Variants in SRR observed in about 807,000 individuals in gnomAD.
SRR encodes the protein D-serine ammonia-lyase.
Under a neutral mutation model 32.7 loss-of-function variants are expected in SRR, and 19 were observed. That is an observed-to-expected ratio of 0.58 (90% CI 0.40 to 0.85). The LOEUF is 0.85. Ranked by LOEUF, SRR falls within the 40% of genes least tolerant of loss-of-function variation. The pLI, the probability that SRR is intolerant of heterozygous loss-of-function variation, is 0.00. For missense variants in SRR, 373 were observed against 404.7 expected (o/e 0.92, Z 0.67); for synonymous variants, 142 against 140.9 (o/e 1.01, Z -0.06).
upstream of SRR, chr17:2,303,629 T>G: frequency 2.1e-6 from 3 of 1,462,004 alleles, no homozygotes; most frequent in Non-Finnish European, 2.7e-6. Flanking sequence ...GCGGCGCGAC[T>G]CACCTCTGCT....
At chr17:2,319,488 C>G (rs576039351) in intron 4 of SRR, among the ~76,000 whole-genome samples, 4 of 152,054 alleles carry the variant, frequency 2.6e-5, no homozygotes, top group Non-Finnish European at 5.9e-5. Context: ...TCACTGTTGC[C>G]CAGGCTGGTC....
chr17:2,324,847 A>C lies in SRR; in HGVS notation c.*974A>C, dbSNP rs1597273491. The stretch of plus-strand genomic sequence containing the variant: ...GTGCATTCCTAAAGGACAAAAGCAA[A>C]GAAGCTATTTAGGAATTTACAGGCC... On this transcript the variant is annotated 3_prime_UTR_variant, in exon 8 of 8. Transcript: ENST00000344595. 1 of 1,599,200 alleles carries C rather than the reference A, an allele frequency of 6.3e-7. No homozygotes were observed. Among genetic ancestry groups the C allele is most frequent in the Non-Finnish European group, 8.5e-7 (1 of 1,175,484 alleles).
intron 1 of SRR, among the ~76,000 whole-genome samples, chr17:2,312,830 A>G (rs1209731343): frequency 1.3e-5 from 2 of 152,214 alleles, no homozygotes; most frequent in East Asian, 3.8e-4. Flanking sequence ...GAGGTACACA[A>G]AAATCTTGCA....
chr17:2,308,788 T>C (rs2075412708), intron 1 of SRR, among the ~76,000 whole-genome samples: 1 of 151,786 alleles, frequency 6.6e-6, no homozygotes, highest in Non-Finnish European at 1.5e-5. Context: ...ACCACTGCAC[T>C]CCAGCCTGGT....
rs35508897 is a variant in SRR at position 2,308,048 on chromosome 17, TA to T, written c.-5+4043del. ...TCGTGACACTGAATAAATGTCTTTT[TA>T]AAAAAAAAAAACAACAAAAAAACCA... On this transcript the variant is annotated intron_variant, in intron 1 of 7. Transcript: ENST00000344595. 4.5e-3 allele frequency among the ~76,000 whole-genome samples: 643 copies of T among 142,174 alleles called. 3 individuals are homozygous for T. The highest frequency in any genetic ancestry group is 0.013 in the African/African-American group (506 of 38,530). 93.3% of individuals were successfully genotyped at this position (142,174 alleles called of 152,430 possible). A position where few individuals can be genotyped will look rare whatever the true frequency, so the allele number is the denominator to read the frequency against.
At chr17:2,315,273 C>A (rs975334708) in intron 1 of SRR, 2 of 236,216 alleles carry the variant, frequency 8.5e-6, no homozygotes, top group Non-Finnish European at 1.6e-5. Flanking sequence ...AGATGGAGAC[C>A]AGTGGCAGTG....
chr17:2,322,667 G>GT (rs1168184218), intron 6 of SRR: 17 of 90,906 alleles, frequency 1.9e-4, no homozygotes, highest in African/African-American at 3.2e-4. Context: ...TGCCTGGCTA[G>GT]TTTTTTTTTG....
chr17:2,322,730 A>G (rs557439675), intron 6 of SRR: 50 of 165,350 alleles, frequency 3.0e-4, no homozygotes, highest in Non-Finnish European at 5.4e-4. Context: ...GTTAGCCAGG[A>G]TGGTCTTGAT....
Position 2,318,879 on chromosome 17 carries a change from G to C in SRR, c.349G>C (p.Ala117Pro), listed in dbSNP as rs1266908973. 1 of 1,613,852 alleles carries C rather than the reference G, an allele frequency of 6.2e-7. No homozygotes were observed. The highest frequency in any genetic ancestry group is 1.1e-5 in the South Asian group (1 of 91,076). ...PQTAPDCKKL[A>P]IQAYGASIVY... Reference sequence around the variant, plus strand: ...GACAGCTCCAGACTGTAAAAAACTTGCAATACAAGCCTACGGAGCGTCAAT... The same window carrying C: ...GACAGCTCCAGACTGTAAAAAACTTCCAATACAAGCCTACGGAGCGTCAAT... Residue 117 changes from alanine to proline, a missense_variant, in exon 4 of 8, where the codon GCA (alanine) becomes CCA (proline). Ala to Pro is a conservative substitution (Grantham distance 27). Transcript: ENST00000344595.
At chr17:2,321,284 A>C in intron 4 of SRR, 22 bp from the exon 5 acceptor site, 1 of 1,611,758 alleles carries the variant, frequency 6.2e-7, no homozygotes, top group Non-Finnish European at 8.5e-7. Context: ...AAATCAATTA[A>C]GCTAAATTAA....
In SRR at chr17:2,323,156, G is replaced by C. The variant is rs1567780347; in HGVS notation, c.615G>C (p.Lys205Asn). 1 of 1,614,198 alleles carries C rather than the reference G, an allele frequency of 6.2e-7. No homozygotes were observed. The highest frequency in any genetic ancestry group is 8.5e-7 in the Non-Finnish European group (1 of 1,180,048). ...CCCAGGCTCTGAAACCTAGTGTGAA[G>C]GTATATGCTGCTGAACCCTCAAATG... The part of the protein sequence containing the change: ...ITVKALKPSV[K>N]VYAAEPSNAD... Residue 205 changes from lysine (K) to asparagine (N), a missense_variant, in exon 7 of 8, where the codon AAG becomes AAC. Transcript: ENST00000344595.
chr17:2,324,779 T>C lies in SRR; in HGVS notation c.*906T>C. ...AGAACAACTCTCTTGATGACCATTC[T>C]GTCTGGATCTACTGACATAAGATGG... On this transcript the variant is annotated 3_prime_UTR_variant, in exon 8 of 8. Coordinates refer to ENST00000344595, the MANE Select transcript of SRR (RefSeq NM_021947.3). The C allele has an allele frequency of 1.2e-6, 2 of 1,614,208 alleles. No homozygotes were observed. Among genetic ancestry groups the C allele is most frequent in the Non-Finnish European group, 1.7e-6 (2 of 1,180,020 alleles).
chr17:2,311,205 CTT>C (rs939393152), intron 1 of SRR, among the ~76,000 whole-genome samples: 5 of 151,840 alleles, frequency 3.3e-5, no homozygotes, highest in Admixed American at 2.6e-4. Context: ...TTTTTGTTCT[CTT>C]GTTTTTTTGT....
chr17:2,323,545 G>A, intron 7 of SRR, 110 bp from the exon 8 acceptor site: 1 of 1,273,888 alleles, frequency 7.8e-7, no homozygotes, highest in Non-Finnish European at 1.1e-6. Context: ...GGAAGCGTGT[G>A]TACACAGTGA....
intron 1 of SRR, among the ~76,000 whole-genome samples, chr17:2,306,485 G>A (rs2075391220): frequency 6.6e-6 from 1 of 152,184 alleles, no homozygotes; most frequent in Non-Finnish European, 1.5e-5. Flanking sequence ...GGGAGGCCAA[G>A]GTGGGCAGAT....
At chr17:2,317,765 G>T in intron 2 of SRR, 105 bp from the exon 3 acceptor site, 2 of 1,206,662 alleles carry the variant, frequency 1.7e-6, no homozygotes, top group Non-Finnish European at 2.3e-6. Context: ...AAGATTTGGT[G>T]ACAGATTGGA....
chr17:2,315,347 T>A, intron 1 of SRR: 1 of 398,988 alleles, frequency 2.5e-6, no homozygotes. Context: ...GTAATCACCA[T>A]CAGTTACTTC....
chr17:2,306,267 G>C (rs1311857435), intron 1 of SRR, among the ~76,000 whole-genome samples: 1 of 151,728 alleles, frequency 6.6e-6, no homozygotes, highest in Non-Finnish European at 1.5e-5. Flanking sequence ...AGCGAGCCGA[G>C]ATTGCTCCAC....
Position 2,323,137 on chromosome 17 carries a change from C to T in SRR, c.596C>T (p.Ala199Val). Reference protein sequence around the residue: ...MLAGIAITVKALKPSVKVYAA... With the variant: ...MLAGIAITVKVLKPSVKVYAA... Reference sequence around the variant, plus strand: ...ATGTCTTAATATTCCTCTTCCCAGGCTCTGAAACCTAGTGTGAAGGTATAT... The same window carrying T: ...ATGTCTTAATATTCCTCTTCCCAGGTTCTGAAACCTAGTGTGAAGGTATAT... The change falls in exon 7 of 8, where the codon GCT (alanine) becomes GTT (valine). Residue 199 changes from alanine (A) to valine (V), a missense_variant and splice_region_variant. Physicochemically the swap from Ala to Val is moderately conservative, Grantham distance 64. Coordinates refer to ENST00000344595, the MANE Select transcript of SRR (RefSeq NM_021947.3). 1 of 1,614,090 alleles carries T rather than the reference C, an allele frequency of 6.2e-7. No homozygotes were observed. The highest frequency in any genetic ancestry group is 8.5e-7 in the Non-Finnish European group (1 of 1,179,976).
Sources: gnomAD v4.1 joint callset for allele counts (sites outside exome capture counted in the v4.1 genomes callset) on GRCh38, gnomAD v4.1.1 for gene constraint, MANE v1.5 for transcripts, NCBI Gene and HGNC (gene_info 2026-07-23, HGNC 2026-07-21) for gene names.